The following CENPN variants were observed in gnomAD, a reference collection of about 807,000 sequenced individuals.
CENPN encodes centromere protein N, also known as interphase centromere complex protein 32.
CENPN carries 36 observed loss-of-function variants against 48.6 expected under a neutral mutation model. The ratio of observed to expected loss-of-function variants is 0.74; its 90% CI spans 0.57 to 0.98. CENPN has a LOEUF of 0.98. Among genes scored for constraint, CENPN ranks in the 50% least tolerant of loss-of-function variants. The pLI, the probability that CENPN is intolerant of heterozygous loss-of-function variation, is 0.00. For synonymous variants in CENPN, 166 were observed against 135.2 expected, an observed-to-expected ratio of 1.23 and a Z score of -1.58; for missense variants, 439 against 399.2, an observed-to-expected ratio of 1.10 and a Z score of -0.85.
intron 3 of CENPN, among the ~76,000 whole-genome samples, chr16:81,014,981 T>C (rs1333725408): frequency 6.6e-6 from 1 of 152,240 alleles, no homozygotes; most frequent in Non-Finnish European, 1.5e-5. Flanking sequence ...TGTAGGCTAA[T>C]GTAAGTGCTC....
intron 2 of CENPN, among the ~76,000 whole-genome samples, chr16:81,013,546 C>A (rs929685330): frequency 3.3e-5 from 5 of 152,164 alleles, no homozygotes; most frequent in African/African-American, 1.2e-4. Context: ...CATGGTGAAA[C>A]CCCTTCCCTA....
At chr16:81,024,300 A>G (rs1238794355) in intron 7 of CENPN, 2 of 153,598 alleles carry the variant, frequency 1.3e-5, no homozygotes, top group Non-Finnish European at 2.9e-5. Flanking sequence ...ACAGAACTAT[A>G]AAAACAATGG....
intron 3 of CENPN, chr16:81,016,956 T>A (rs551877025): frequency 1.2e-5 from 3 of 243,090 alleles, no homozygotes; most frequent in African/African-American, 7.1e-5. Context: ...GAGAAGAGGC[T>A]CCAGGCAGAG....
In CENPN at chr16:81,017,347, A is replaced by G; in HGVS notation, c.239A>G (p.Gln80Arg). The G allele has an allele frequency of 3.1e-6, 5 of 1,598,414 alleles. No homozygotes were observed. Among genetic ancestry groups the G allele is most frequent in the South Asian group, 1.1e-5 (1 of 90,560 alleles). The change falls in exon 4 of 11, where the codon CAG (glutamine) becomes CGG (arginine). Residue 80 changes from glutamine to arginine, a missense_variant. Transcript: ENST00000305850. The stretch of plus-strand genomic sequence containing the variant: ...TCAGATATGCAATTTCATCAGCACC[A>G]GAAAGTTTGGGAAGTTTTTCAGATG... ...DIIYMQFHQH[Q>R]KVWEVFQMSK...
At chr16:81,026,143 G>A (rs200661202) in intron 8 of CENPN, among the ~76,000 whole-genome samples, 232 of 143,210 alleles carry the variant, frequency 1.6e-3, no homozygotes, top group East Asian at 0.011. Flanking sequence ...ATATATATAT[G>A]TATATATATA....
chr16:81,012,237 TATACAA>T, intron 2 of CENPN, 127 bp downstream of exon 2: 1 of 661,252 alleles, frequency 1.5e-6, no homozygotes. Flanking sequence ...ATGAGGGCTA[TATACAA>T]CTGCAGTGGA....
chr16:81,026,117 GTATATATA>G (rs1234802970), intron 8 of CENPN, among the ~76,000 whole-genome samples: 20 of 135,416 alleles, frequency 1.5e-4, no homozygotes, highest in Non-Finnish European at 3.2e-4. Flanking sequence ...ATATATATAT[GTATATATA>G]TGTGTGTATA....
chr16:81,022,210 T>C, intron 6 of CENPN: 2 of 232,906 alleles, frequency 8.6e-6, no homozygotes, highest in South Asian at 1.1e-4. Context: ...CACTTATTTC[T>C]TCAGTATTTG....
At chr16:81,014,589 A>T (rs1969865478) in intron 3 of CENPN, among the ~76,000 whole-genome samples, 1 of 152,074 alleles carries the variant, frequency 6.6e-6, no homozygotes, top group South Asian at 2.1e-4. Context: ...AAATCCCAGT[A>T]TGTCACTCAG....
rs761078576 is a variant in CENPN, at chr16:81,025,689, C to CTTTTTTTTT, written c.698-836_698-835insTTTTTTTTT. On this transcript the variant is annotated intron_variant, in intron 8 of 10. Coordinates refer to ENST00000305850, the MANE Select transcript of CENPN (RefSeq NM_001100624.3). The stretch of plus-strand genomic sequence containing the variant: ...TGGGCAACATAGTGAGACCCTGTCT[C>CTTTTTTTTT]TCTTTTTTTTTTTTTTTTTTTTTTT... Among the ~76,000 whole-genome samples, 222 of 135,216 alleles carry CTTTTTTTTT rather than the reference C, an allele frequency of 1.6e-3. 40 individuals carry two copies. Among genetic ancestry groups the CTTTTTTTTT allele is most frequent in the African/African-American group, 5.7e-3 (195 of 34,018 alleles). The allele number at this position is 135,216 out of a possible 152,430, so 88.7% of individuals were successfully genotyped here.
At position 81,029,874 on chromosome 16, in the gene CENPN, T is replaced by C. The variant is rs1240643229; in HGVS notation, c.*1223T>C. On this transcript the variant is annotated 3_prime_UTR_variant, in exon 11 of 11. Coordinates refer to ENST00000305850, the MANE Select transcript of CENPN (RefSeq NM_001100624.3). Reference sequence around the variant, plus strand: ...ATAGGAGTGTATTAGTCTATTCTCATGCTGCTAATAAAGATACCTAAGACT... The same window carrying C: ...ATAGGAGTGTATTAGTCTATTCTCACGCTGCTAATAAAGATACCTAAGACT... 1.3e-5 allele frequency among the ~76,000 whole-genome samples: 2 copies of C among 152,120 alleles called. No individual in the cohort carries two copies. Among genetic ancestry groups the C allele is most frequent in the Non-Finnish European group, 2.9e-5 (2 of 68,014 alleles).
At chr16:81,020,502 C>G (rs1970135600) in intron 6 of CENPN, 1 of 386,772 alleles carries the variant, frequency 2.6e-6, no homozygotes, top group Non-Finnish European at 4.6e-6. Flanking sequence ...CACCCCACCT[C>G]TAAAAAAACA....
At chr16:81,028,084 TG>T (rs1970591626) in intron 9 of CENPN, 86 bp from the exon 10 acceptor site, 2 of 1,096,098 alleles carry the variant, frequency 1.8e-6, no homozygotes, top group Admixed American at 4.2e-5. Context: ...CAAGAATTAA[TG>T]AAACGTATCA....
intron 5 of CENPN, 90 bp downstream of exon 5, chr16:81,017,924 TG>T: frequency 1.4e-6 from 1 of 731,862 alleles, no homozygotes; most frequent in Non-Finnish European, 2.3e-6. Context: ...TTTTTTAATT[TG>T]TAAGAAATTC....
intron 5 of CENPN, 61 bp from the exon 6 acceptor site, chr16:81,020,039 G>A: frequency 1.3e-6 from 2 of 1,486,438 alleles, no homozygotes; most frequent in Non-Finnish European, 1.8e-6. Flanking sequence ...AGCACCTGGA[G>A]TTGGTGCCAC....
chr16:81,032,138 T>G (rs973930680), downstream of CENPN, among the ~76,000 whole-genome samples: 5 of 152,202 alleles, frequency 3.3e-5, no homozygotes, highest in African/African-American at 4.8e-5. Flanking sequence ...CTCTGGAATT[T>G]CCTTGTCTGA....
Position 81,029,160 on chromosome 16 carries a change from T to C in CENPN, c.*509T>C. Reference sequence around the variant, plus strand: ...AAGGATGGAGTTGAGTCCATTCTGTTATTGTTGCAAGAGGTTGCATATTTG... The same window carrying C: ...AAGGATGGAGTTGAGTCCATTCTGTCATTGTTGCAAGAGGTTGCATATTTG... On this transcript the variant is annotated 3_prime_UTR_variant, in exon 11 of 11. Transcript: ENST00000305850. 1.0e-6 allele frequency: 1 copy of C among 984,980 alleles called. No homozygotes were observed. The highest frequency in any genetic ancestry group is 1.2e-6 in the Non-Finnish European group (1 of 829,526). The allele number at this position is 984,980 out of a possible 1,614,324, so 61.0% of individuals were successfully genotyped here. A position where few individuals can be genotyped will look rare whatever the true frequency, so the allele number is the denominator to read the frequency against.
In CENPN at chr16:81,026,643, G is replaced by A. The variant is rs1258903793; in HGVS notation, c.810+5G>A. ...CTAGAATTTGCACAATATAAGGTAA[G>A]ATGTCGTAATAAATATTAAGTACAA... On this transcript the variant is annotated splice_donor_5th_base_variant and intron_variant, in intron 9 of 10. Transcript: ENST00000305850. 3.5e-6 allele frequency: 5 copies of A among 1,411,498 alleles called. No homozygotes were observed. The African/African-American group carries it at 7.1e-5, about 20-fold the overall frequency. The allele number at this position is 1,411,498 out of a possible 1,614,324, so 87.4% of individuals were successfully genotyped here. A position where few individuals can be genotyped will look rare whatever the true frequency, so the allele number is the denominator to read the frequency against.
At chr16:81,019,876 C>CAA (rs59491925) in intron 5 of CENPN, among the ~76,000 whole-genome samples, 61 of 124,498 alleles carry the variant, frequency 4.9e-4, no homozygotes, top group Middle Eastern at 4.2e-3. Context: ...GACCTAGTCT[C>CAA]AAAAAAAAAA....
Sources: allele counts gnomAD v4.1 joint callset (sites outside exome capture counted in the v4.1 genomes callset), GRCh38; gene constraint gnomAD v4.1.1; transcripts MANE v1.5; gene names NCBI Gene and HGNC (gene_info 2026-07-23, HGNC 2026-07-21).